The following SNX27 variants were observed in gnomAD, a reference collection of about 807,000 sequenced individuals.
SNX27 encodes sorting nexin-27.
Under a neutral mutation model 71.6 loss-of-function variants are expected in SNX27, and 22 were observed. The ratio of observed to expected loss-of-function variants is 0.31; its 90% CI spans 0.22 to 0.44. The LOEUF is 0.44. Among genes scored for constraint, SNX27 ranks in the 20% least tolerant of loss-of-function variants. The probability of loss-of-function intolerance (pLI) is 1.00; values close to 1 mark genes in which losing one functional copy is unlikely to be tolerated. For synonymous variants in SNX27, 269 were observed against 277.2 expected (o/e 0.97, Z 0.29); for missense variants, 531 against 698.6 (o/e 0.76, Z 2.70).
intron 2 of SNX27, among the ~76,000 whole-genome samples, chr1:151,644,101 T>C (rs538956626): frequency 9.2e-5 from 14 of 152,368 alleles, no homozygotes; most frequent in Admixed American, 5.9e-4. Flanking sequence ...ATTCCTTTTC[T>C]CAAGTTCCCA....
chr1:151,684,167 CATTT>C (rs1345069279), intron 8 of SNX27, among the ~76,000 whole-genome samples: 2 of 152,164 alleles, frequency 1.3e-5, no homozygotes, highest in Admixed American at 1.3e-4. Flanking sequence ...GTTGCTTAAA[CATTT>C]ATGCTCCGTA....
At chr1:151,643,694 C>G (rs1190483676) in intron 2 of SNX27, among the ~76,000 whole-genome samples, 2 of 151,536 alleles carry the variant, frequency 1.3e-5, no homozygotes, top group East Asian at 3.9e-4. Context: ...GAGTTTCGCT[C>G]TTGTTGCTCA....
At position 151,662,198 on chromosome 1, in the gene SNX27, A is replaced by G; in HGVS notation, c.834A>G (p.Arg278=). 1 of 1,613,768 alleles carries G rather than the reference A, an allele frequency of 6.2e-7. No individual in the cohort carries two copies. The highest frequency in any genetic ancestry group is 1.1e-5 in the South Asian group (1 of 91,072). ...ATGGTGTGTCCGACGTAGAGCTGAG[A>G]GTAGCATTACCAGATGGAACAACGG... ...NYNGVSDVEL[R]VALPDGTTVT... is the part of the protein sequence containing the mutation. Residue 278 remains arginine (R), a synonymous_variant, in exon 5 of 12, where the codon AGA becomes AGG. Transcript: ENST00000458013.
At chr1:151,651,741 C>A (rs928533033) in intron 2 of SNX27, among the ~76,000 whole-genome samples, 1 of 151,864 alleles carries the variant, frequency 6.6e-6, no homozygotes, top group Non-Finnish European at 1.5e-5. Context: ...CAGAGGGGCT[C>A]CTCACATCCC....
chr1:151,612,227 T>C lies in SNX27; in HGVS notation c.26T>C (p.Ile9Thr). 7.2e-7 allele frequency: 1 copy of C among 1,390,636 alleles called. No individual in the cohort carries two copies. The highest frequency in any genetic ancestry group is 9.3e-7 in the Non-Finnish European group (1 of 1,072,044). 86.1% of individuals were successfully genotyped at this position (1,390,636 alleles called of 1,614,324 possible). A position where few individuals can be genotyped will look rare whatever the true frequency, so the allele number is the denominator to read the frequency against. Residue 9 changes from isoleucine (I) to threonine (T), a missense_variant, in exon 1 of 12, where the codon ATT becomes ACT. Ile to Thr is a moderately conservative substitution (Grantham distance 89, BLOSUM62 -1). Coordinates refer to ENST00000458013, the MANE Select transcript of SNX27 (RefSeq NM_001330723.2). The surrounding 1 kb of genome is among the most constrained non-coding windows in gnomAD (Gnocchi z 5.2). MADEDGEG[I>T]HPSAPHRNGG... ...ATGGCGGACGAGGACGGGGAAGGGA[T>C]TCATCCCTCAGCCCCTCACAGGAAC...
chr1:151,665,389 C>T (rs1421141380), intron 5 of SNX27, among the ~76,000 whole-genome samples: 1 of 151,954 alleles, frequency 6.6e-6, no homozygotes, highest in Non-Finnish European at 1.5e-5. Flanking sequence ...CTAATGATCC[C>T]AACATGAGAC....
rs1671669671 is a variant in SNX27 at position 151,695,667 on chromosome 1, C to G, written c.*1250C>G. 1 of 152,286 alleles carries G rather than the reference C, an allele frequency of 6.6e-6. No individual in the cohort carries two copies. The highest frequency in any genetic ancestry group is 1.5e-5 in the Non-Finnish European group (1 of 68,248). 9.4% of individuals were successfully genotyped at this position (152,286 alleles called of 1,614,324 possible). On this transcript the variant is annotated 3_prime_UTR_variant, in exon 12 of 12. Transcript: ENST00000458013. ...CTCAAACTCCTGGCCTCAGGTGATC[C>G]TCTTGTCTCAGCCTCCCAAAGTGCT...
intron 1 of SNX27, among the ~76,000 whole-genome samples, chr1:151,618,269 T>C (rs1667518921): frequency 6.6e-6 from 1 of 152,224 alleles, no homozygotes; most frequent in East Asian, 1.9e-4. Flanking sequence ...TTACCCATTG[T>C]TAAATTGGAT....
chr1:151,668,405 T>C, intron 6 of SNX27, 67 bp from the exon 7 acceptor site: 2 of 1,428,308 alleles, frequency 1.4e-6, no homozygotes, highest in South Asian at 1.3e-5. Flanking sequence ...CTGCCTTACA[T>C]AGTTTATACT....
intron 1 of SNX27, among the ~76,000 whole-genome samples, chr1:151,622,376 C>T (rs768997500): frequency 3.3e-5 from 5 of 151,942 alleles, no homozygotes; most frequent in African/African-American, 4.8e-5. Context: ...GTTCAGGTTG[C>T]GGCCCCAGAA....
chr1:151,662,384 T>C (rs1206575867), intron 5 of SNX27, 114 bp downstream of exon 5: 3 of 595,402 alleles, frequency 5.0e-6, no homozygotes, highest in Non-Finnish European at 6.0e-6. Context: ...AATCCGTTTA[T>C]TAAATGTTAG....
At chr1:151,659,151 A>G (rs1333954457) in intron 3 of SNX27, among the ~76,000 whole-genome samples, 11 of 152,214 alleles carry the variant, frequency 7.2e-5, no homozygotes. Context: ...AGGTATTCAT[A>G]GATAGGTTTG....
chr1:151,619,180 A>G (rs1017549298), intron 1 of SNX27, among the ~76,000 whole-genome samples: 6 of 152,066 alleles, frequency 3.9e-5, no homozygotes, highest in African/African-American at 1.2e-4. Context: ...ATCTCTGCAA[A>G]AAATACAAAA....
chr1:151,666,435 A>T (rs1448276859), intron 6 of SNX27: 1 of 153,026 alleles, frequency 6.5e-6, no homozygotes, highest in Non-Finnish European at 1.5e-5. Context: ...GTTTTAATGC[A>T]TACATTTAAG....
chr1:151,651,887 G>C (rs1408081501), intron 2 of SNX27, among the ~76,000 whole-genome samples: 1 of 151,914 alleles, frequency 6.6e-6, no homozygotes, highest in African/African-American at 2.4e-5. Context: ...CCGAGATCAC[G>C]CCACTGCACT....
chr1:151,671,818 A>G (rs919571355), intron 7 of SNX27, among the ~76,000 whole-genome samples: 1 of 151,954 alleles, frequency 6.6e-6, no homozygotes, highest in Non-Finnish European at 1.5e-5. Flanking sequence ...CACTGTTGGC[A>G]TATAGAAATG....
At chr1:151,650,905 C>T (rs149363579) in intron 2 of SNX27, among the ~76,000 whole-genome samples, 48,712 of 151,878 alleles carry the variant, frequency 0.32, 8,015 homozygotes, top group Middle Eastern at 0.44. Context: ...TTTCAGAGAG[C>T]ACAGGGTTGG....
chr1:151,692,316 G>A, intron 8 of SNX27, 119 bp from the exon 9 acceptor site: 4 of 1,305,826 alleles, frequency 3.1e-6, no homozygotes, highest in Non-Finnish European at 4.0e-6. Context: ...TGTTGGGTGA[G>A]AATACTCTTT....
intron 2 of SNX27, among the ~76,000 whole-genome samples, chr1:151,651,913 T>C (rs1384497589): frequency 5.9e-5 from 9 of 151,780 alleles, no homozygotes; most frequent in East Asian, 1.9e-4. Context: ...CTGGGCACCA[T>C]TGAGCACTGA....
Sources: allele counts gnomAD v4.1 joint callset (sites outside exome capture counted in the v4.1 genomes callset), GRCh38; gene constraint gnomAD v4.1.1; non-coding constraint Gnocchi (gnomAD v3.1); transcripts MANE v1.5; gene names NCBI Gene and HGNC (gene_info 2026-07-23, HGNC 2026-07-21).